The following PVT1 variants were observed in gnomAD, a reference collection of about 807,000 sequenced individuals.
PVT1 encodes the protein Pvt1 oncogene.
chr8:127,981,276 G>A (rs1816880295), intron 3 of PVT1, among the ~76,000 whole-genome samples: 1 of 152,230 alleles, frequency 6.6e-6, no homozygotes, highest in Admixed American at 6.5e-5. Flanking sequence ...GGCCCTTGTG[G>A]GGAAGGGACT....
At chr8:127,837,394 T>A (rs539605047) in intron 2 of PVT1, among the ~76,000 whole-genome samples, 22 of 89,016 alleles carry the variant, frequency 2.5e-4, no homozygotes, top group African/African-American at 9.8e-4. Context: ...TTTTTGTTGT[T>A]GTTTTTTTTT....
chr8:128,062,326 G>A (rs1251265632), intron 4 of PVT1, among the ~76,000 whole-genome samples: 1 of 152,164 alleles, frequency 6.6e-6, no homozygotes, highest in Non-Finnish European at 1.5e-5. Context: ...TTTTTGTTTA[G>A]TGTGTTTCTG....
intron 4 of PVT1, among the ~76,000 whole-genome samples, chr8:128,037,055 C>A (rs1388765227): frequency 6.6e-6 from 1 of 152,224 alleles, no homozygotes; most frequent in African/African-American, 2.4e-5. Context: ...CTCCTCCTGA[C>A]CAGTCAGCCA....
chr8:127,837,623 G>A (rs1232117142), intron 2 of PVT1, among the ~76,000 whole-genome samples: 3 of 152,016 alleles, frequency 2.0e-5, no homozygotes, highest in African/African-American at 7.2e-5. Flanking sequence ...ATTGATTGAG[G>A]CCCTCCTGTG....
intron 3 of PVT1, among the ~76,000 whole-genome samples, chr8:127,968,005 C>T (rs1025333470): frequency 4.4e-4 from 67 of 152,296 alleles, no homozygotes; most frequent in African/African-American, 1.5e-3. Context: ...CATTCCTATT[C>T]GGTGCTGACC....
chr8:128,076,254 A>C (rs1208843646), intron 5 of PVT1, among the ~76,000 whole-genome samples: 1 of 152,152 alleles, frequency 6.6e-6, no homozygotes, highest in Non-Finnish European at 1.5e-5. Flanking sequence ...GAAGCTCTTT[A>C]GACTGAATAA....
intron 3 of PVT1, among the ~76,000 whole-genome samples, chr8:127,981,380 C>T (rs530659794): frequency 4.6e-5 from 7 of 152,232 alleles, no homozygotes; most frequent in East Asian, 3.9e-4. Flanking sequence ...TTTCCTGGCG[C>T]GTTCACCTCC....
intron 4 of PVT1, among the ~76,000 whole-genome samples, chr8:128,051,189 A>G (rs1239131866): frequency 6.6e-6 from 1 of 152,224 alleles, no homozygotes; most frequent in African/African-American, 2.4e-5. Flanking sequence ...AGGATGCATA[A>G]AATGAAGATT....
intron 2 of PVT1, among the ~76,000 whole-genome samples, chr8:127,805,352 A>C (rs562531206): frequency 1.3e-4 from 20 of 151,446 alleles, no homozygotes; most frequent in Non-Finnish European, 2.9e-4. Context: ...TATGTTTTCT[A>C]TTTTTCAGTT....
chr8:127,873,825 T>A (rs1370840097), intron 2 of PVT1, among the ~76,000 whole-genome samples: 2 of 152,214 alleles, frequency 1.3e-5, no homozygotes, highest in Admixed American at 1.3e-4. Flanking sequence ...CCATTTTTCC[T>A]TTGCAATCTT....
intron 2 of PVT1, among the ~76,000 whole-genome samples, chr8:127,826,014 CTTTTTTTT>C (rs57575268): frequency 1.1e-5 from 1 of 89,696 alleles, no homozygotes; most frequent in East Asian, 3.0e-4. Flanking sequence ...CCATGCCCAG[CTTTTTTTT>C]TTTTTTTTTT....
intron 2 of PVT1, among the ~76,000 whole-genome samples, chr8:127,876,860 C>T (rs1187637505): frequency 6.6e-6 from 1 of 152,196 alleles, no homozygotes; most frequent in Non-Finnish European, 1.5e-5. Context: ...TTTGGACTTA[C>T]CCAGAATCCT....
chr8:127,863,137 T>A (rs1184561851), intron 2 of PVT1, among the ~76,000 whole-genome samples: 2 of 150,896 alleles, frequency 1.3e-5, no homozygotes. Context: ...TCCGAGACCG[T>A]GTCTTGCTCT....
At chr8:128,003,709 A>G (rs1325792743) in intron 4 of PVT1, among the ~76,000 whole-genome samples, 1 of 152,242 alleles carries the variant, frequency 6.6e-6, no homozygotes, top group African/African-American at 2.4e-5. Context: ...TCATATGCAT[A>G]TGTGTAAATT....
At chr8:128,085,121 A>G (rs911005358) in intron 5 of PVT1, among the ~76,000 whole-genome samples, 2 of 152,146 alleles carry the variant, frequency 1.3e-5, no homozygotes, top group East Asian at 3.9e-4. Context: ...TCTGAGCATA[A>G]TTATTCCAGG....
intron 2 of PVT1, among the ~76,000 whole-genome samples, chr8:127,815,018 G>A (rs935335568): frequency 1.3e-5 from 2 of 152,042 alleles, no homozygotes; most frequent in Admixed American, 6.6e-5. Context: ...CCAGGCTGGA[G>A]TGCAGTGGCA....
At chr8:128,046,110 G>C (rs2720709) in intron 4 of PVT1, among the ~76,000 whole-genome samples, 2 of 151,906 alleles carry the variant, frequency 1.3e-5, no homozygotes, top group Non-Finnish European at 2.9e-5. Flanking sequence ...GTGTTAGCTC[G>C]AACCTTCTCA....
In PVT1 at chr8:127,856,196, G is replaced by A. The variant is rs564685311; in HGVS notation, n.373-34393G>A. Among the ~76,000 whole-genome samples the A allele has an allele frequency of 1.8e-4, 27 of 152,206 alleles. No homozygotes were observed. In the South Asian group the frequency reaches 5.6e-3, roughly 32 times the overall value. On this transcript the variant is annotated intron_variant and non_coding_transcript_variant, in intron 2 of 10. Transcript: ENST00000651587. ...AAGGATGAGTGTCCTTTTGGTGTGT[G>A]GAGAGCTTTGATGGGGCATGTGATG...
At chr8:128,081,988 A>G (rs1379205030) in intron 5 of PVT1, among the ~76,000 whole-genome samples, 1 of 152,138 alleles carries the variant, frequency 6.6e-6, no homozygotes, top group African/African-American at 2.4e-5. Flanking sequence ...TTTCAGGCCT[A>G]CCCACTACTG....
Sources: gnomAD v4.1 joint callset for allele counts (sites outside exome capture counted in the v4.1 genomes callset) on GRCh38, gnomAD v4.1.1 for gene constraint, MANE v1.5 for transcripts, NCBI Gene and HGNC (gene_info 2026-07-23, HGNC 2026-07-21) for gene names.